Variants in SLC9C2 observed in about 807,000 individuals in gnomAD.
SLC9C2 encodes solute carrier family 9 member C2 (putative), also known as sodium/hydrogen exchanger 11.
A neutral mutation model predicts 140.2 loss-of-function variants in SLC9C2; 75 were observed. The ratio of observed to expected loss-of-function variants is 0.53; its 90% CI spans 0.44 to 0.65. The LOEUF is 0.65. SLC9C2 is among the 30% of genes least tolerant of loss of function. The pLI, the probability that SLC9C2 is intolerant of heterozygous loss-of-function variation, is 0.00. For synonymous variants in SLC9C2, 375 were observed against 420.9 expected (o/e 0.89, Z 1.34); for missense variants, 1,074 against 1,331.8 (o/e 0.81, Z 3.01).
intron 13 of SLC9C2, among the ~76,000 whole-genome samples, chr1:173,539,003 C>G (rs975255192): frequency 6.6e-6 from 1 of 152,208 alleles, no homozygotes; most frequent in Non-Finnish European, 1.5e-5. Flanking sequence ...TCTATAGTCT[C>G]TCTTGGAGAA....
At chr1:173,576,604 A>G in intron 8 of SLC9C2, 57 bp downstream of exon 8, 1 of 1,040,274 alleles carries the variant, frequency 9.6e-7, no homozygotes, top group South Asian at 1.4e-5. Flanking sequence ...TGAAGGCGAG[A>G]CGCCTTATGC....
chr1:173,533,663 C>G lies in SLC9C2; in HGVS notation c.2109G>C (p.Gln703His). 3 of 1,610,548 alleles carry G rather than the reference C, an allele frequency of 1.9e-6. No individual in the cohort carries two copies. Among genetic ancestry groups the G allele is most frequent in the Non-Finnish European group, 2.5e-6 (3 of 1,177,350 alleles). ...TTAAATATCCCATTATTACTGTAAG[C>G]TGTATAAGAGCCAAGTTGTCTGGTC... ...KLRPDNLALIQLTVIMGYLRI... is the reference protein window; with the variant it reads ...KLRPDNLALIHLTVIMGYLRI... The change falls in exon 17 of 28, where the codon CAG becomes CAC. Residue 703 changes from glutamine (Q) to histidine (H), a missense_variant. Physicochemically the swap from Gln to His is conservative, Grantham distance 24. Transcript: ENST00000367714.
At chr1:173,565,747 C>A (rs747020999) in intron 9 of SLC9C2, among the ~76,000 whole-genome samples, 4 of 152,016 alleles carry the variant, frequency 2.6e-5, no homozygotes, top group Admixed American at 2.6e-4. Flanking sequence ...CTGTGAAGAA[C>A]GTAATTGGTA....
Position 173,524,928 on chromosome 1 carries a change from C to T in SLC9C2, c.2366-1G>A. On this transcript the variant is annotated splice_acceptor_variant, in intron 19 of 27. Coordinates refer to ENST00000367714, the MANE Select transcript of SLC9C2 (RefSeq NM_178527.4). LOFTEE classifies it high-confidence loss of function. ...TCACGACCCTCATGCTCCATGAGTA[C>T]TACAGCAAAGAAAATAAAATTCAGT... 12 of 1,612,896 alleles carry T rather than the reference C, an allele frequency of 7.4e-6. No homozygotes were observed. Among genetic ancestry groups the T allele is most frequent in the Non-Finnish European group, 1.0e-5 (12 of 1,179,416 alleles).
chr1:173,587,663 A>C lies in SLC9C2; in HGVS notation c.523+2T>G. On this transcript the variant is annotated splice_donor_variant, in intron 5 of 27. Coordinates refer to ENST00000367714, the MANE Select transcript of SLC9C2 (RefSeq NM_178527.4). LOFTEE classifies it high-confidence loss of function. ...TAAGAGAGAGAAATAAATGTGACAT[A>C]CCAATAGTTTTTAGTGAATTCACAG... The C allele has an allele frequency of 6.2e-7, 1 of 1,608,128 alleles. No individual in the cohort carries two copies. Among genetic ancestry groups the C allele is most frequent in the Non-Finnish European group, 8.5e-7 (1 of 1,176,722 alleles).
intron 25 of SLC9C2, among the ~76,000 whole-genome samples, chr1:173,505,888 A>G (rs981899326): frequency 2.0e-5 from 3 of 152,030 alleles, no homozygotes; most frequent in Non-Finnish European, 4.4e-5. Flanking sequence ...TAAGCAACTT[A>G]CCTAAGCTCA....
At chr1:173,573,044 T>TTA in intron 9 of SLC9C2, 138 bp downstream of exon 9, 1 of 552,750 alleles carries the variant, frequency 1.8e-6, no homozygotes, top group South Asian at 3.6e-5. Flanking sequence ...AGCAAGCTAT[T>TTA]GTCAAGGCCT....
intron 13 of SLC9C2, among the ~76,000 whole-genome samples, chr1:173,546,140 G>A (rs985591133): frequency 2.0e-5 from 3 of 152,292 alleles, no homozygotes; most frequent in Admixed American, 6.5e-5. Context: ...GTGGCCATAC[G>A]TAATTTTCTA....
chr1:173,537,026 T>C lies in SLC9C2; in HGVS notation c.1571A>G (p.Lys524Arg). The C allele has an allele frequency of 6.2e-7, 1 of 1,613,258 alleles. No individual in the cohort carries two copies. The change falls in exon 14 of 28, where the codon AAA becomes AGA. Residue 524 changes from lysine to arginine, a missense_variant. Physicochemically the swap from Lys to Arg is conservative, Grantham distance 26. Transcript: ENST00000367714. ...VAAIQMSSFE[K>R]QRNNGILEIE... ...TTCAAGAATTCCATTGTTACGCTGT[T>C]TTTCAAAGCTACTCTAAACATACAT...
rs1228957366 is a variant in SLC9C2 at position 173,529,928 on chromosome 1, C to T, written c.2290G>A (p.Ala764Thr). 6.2e-7 allele frequency: 1 copy of T among 1,611,028 alleles called. No individual in the cohort carries two copies. Among genetic ancestry groups the T allele is most frequent in the South Asian group, 1.1e-5 (1 of 90,166 alleles). ...EDAKLLIKQI[A>T]VCESIYQKLC... ...ACCTGATATATTGATTCACAGACAG[C>T]TATTTGTTTTATTAGAAGTTTGGCA... is the stretch of plus-strand genomic sequence containing the variant. Residue 764 changes from alanine (A) to threonine (T), a missense_variant, in exon 18 of 28, where the codon GCT becomes ACT. Ala to Thr is a moderately conservative substitution (Grantham distance 58). Coordinates refer to ENST00000367714, the MANE Select transcript of SLC9C2 (RefSeq NM_178527.4).
rs1308846417 is a variant in SLC9C2, at chr1:173,586,821, T to C, written c.523+844A>G. Among the ~76,000 whole-genome samples the C allele has an allele frequency of 3.3e-5, 5 of 151,672 alleles. No individual in the cohort carries two copies. The East Asian group carries it at 5.8e-4, about 18-fold the overall frequency. Reference sequence around the variant, plus strand: ...ACATGTTCTCACTCATAAGTGGGAGTTGAACAATGAGAACATATGGACACA... The same window carrying C: ...ACATGTTCTCACTCATAAGTGGGAGCTGAACAATGAGAACATATGGACACA... On this transcript the variant is annotated intron_variant, in intron 5 of 27. Transcript: ENST00000367714.
At chr1:173,599,524 G>C (rs567098412) in intron 3 of SLC9C2, among the ~76,000 whole-genome samples, 2 of 151,730 alleles carry the variant, frequency 1.3e-5, no homozygotes, top group Non-Finnish European at 2.9e-5. Context: ...ACAGGCGCCC[G>C]CCACAACACC....
At chr1:173,579,607 C>T (rs974439095) in intron 7 of SLC9C2, among the ~76,000 whole-genome samples, 1 of 152,210 alleles carries the variant, frequency 6.6e-6, no homozygotes, top group African/African-American at 2.4e-5. Flanking sequence ...AGCTATGCGA[C>T]TTATACTCCT....
At chr1:173,540,673 T>C (rs967338665) in intron 13 of SLC9C2, among the ~76,000 whole-genome samples, 2 of 152,232 alleles carry the variant, frequency 1.3e-5, no homozygotes, top group Non-Finnish European at 1.5e-5. Context: ...GCTAAGAGGA[T>C]TTCTAGATTT....
chr1:173,544,799 T>C lies in SLC9C2; in HGVS notation c.1557+2890A>G, dbSNP rs561073456. ...ACATGTTCTCACTCATAGGTGGGAGTTGAACAATGAGAACACTTGGACACA... is the reference window on the plus strand; with the variant it reads ...ACATGTTCTCACTCATAGGTGGGAGCTGAACAATGAGAACACTTGGACACA... On this transcript the variant is annotated intron_variant, in intron 13 of 27. Coordinates refer to ENST00000367714, the MANE Select transcript of SLC9C2 (RefSeq NM_178527.4). Among the ~76,000 whole-genome samples the C allele has an allele frequency of 9.2e-5, 14 of 151,652 alleles. No individual in the cohort carries two copies. In the East Asian group the frequency reaches 1.4e-3, roughly 15 times the overall value.
In SLC9C2 at chr1:173,536,985, T is replaced by A. The variant is rs1662014336; in HGVS notation, c.1612A>T (p.Ile538Leu). Residue 538 changes from isoleucine (I) to leucine (L), a missense_variant, in exon 14 of 28, where the codon ATA (isoleucine) becomes TTA (leucine). By Grantham distance (5) the Ile-to-Leu change is conservative. Coordinates refer to ENST00000367714, the MANE Select transcript of SLC9C2 (RefSeq NM_178527.4). ...TAGCATTTTGCTGCACCAATTAATA[T>A]CCGGGCTGCCTCTATTTCAAGAATT... ...NGILEIEAARILIGAAKCYYS... is the reference protein window; with the variant it reads ...NGILEIEAARLLIGAAKCYYS... 1 of 1,613,862 alleles carries A rather than the reference T, an allele frequency of 6.2e-7. No individual in the cohort carries two copies. Among genetic ancestry groups the A allele is most frequent in the Non-Finnish European group, 8.5e-7 (1 of 1,179,856 alleles).
intron 7 of SLC9C2, among the ~76,000 whole-genome samples, chr1:173,577,284 TA>T (rs1665238373): frequency 6.6e-6 from 1 of 152,198 alleles, no homozygotes; most frequent in Non-Finnish European, 1.5e-5. Context: ...ATCTCAGAAA[TA>T]CTGCACTGCA....
At chr1:173,541,036 C>T (rs1231941773) in intron 13 of SLC9C2, among the ~76,000 whole-genome samples, 1 of 152,082 alleles carries the variant, frequency 6.6e-6, no homozygotes, top group Non-Finnish European at 1.5e-5. Context: ...GGGCTAAATG[C>T]CCCAATTAAA....
At chr1:173,536,725 G>T (rs1661986826) in intron 14 of SLC9C2, among the ~76,000 whole-genome samples, 1 of 152,026 alleles carries the variant, frequency 6.6e-6, no homozygotes, top group African/African-American at 2.4e-5. Flanking sequence ...TGTCACCAAG[G>T]TTATAAAACT....
Sources: gnomAD v4.1 joint callset for allele counts (sites outside exome capture counted in the v4.1 genomes callset) on GRCh38, gnomAD v4.1.1 for gene constraint, MANE v1.5 for transcripts, NCBI Gene and HGNC (gene_info 2026-07-23, HGNC 2026-07-21) for gene names.